Variants in ZDHHC14 observed in about 807,000 individuals in gnomAD.
ZDHHC14 encodes palmitoyltransferase ZDHHC14.
In ZDHHC14, 16 loss-of-function variants were observed where a neutral mutation model predicts 47.7. The ratio of observed to expected loss-of-function variants is 0.34; its 90% confidence interval spans 0.23 to 0.51. The LOEUF is 0.51. Among genes scored for constraint, ZDHHC14 ranks in the 20% least tolerant of loss-of-function variants. The pLI is 0.97. For missense variants in ZDHHC14, 515 were observed against 662.5 expected, an observed-to-expected ratio of 0.78 and a Z score of 2.44; for synonymous variants, 293 against 278.9, an observed-to-expected ratio of 1.05 and a Z score of -0.50.
chr6:157,555,210 G>T (rs978209026), intron 2 of ZDHHC14, among the ~76,000 whole-genome samples: 2 of 152,156 alleles, frequency 1.3e-5, no homozygotes. Flanking sequence ...AGATGATGAG[G>T]TTTTCGTATC....
chr6:157,414,560 T>A (rs1777936631), intron 1 of ZDHHC14, among the ~76,000 whole-genome samples: 1 of 152,204 alleles, frequency 6.6e-6, no homozygotes, highest in East Asian at 1.9e-4. Flanking sequence ...GACTATGAGA[T>A]GTTGACCATC....
At chr6:157,473,810 A>C (rs886655146) in intron 1 of ZDHHC14, among the ~76,000 whole-genome samples, 1 of 152,142 alleles carries the variant, frequency 6.6e-6, no homozygotes, top group Non-Finnish European at 1.5e-5. Context: ...TTCAGGCTAC[A>C]TGTGTAAGGT....
At chr6:157,488,987 ATG>A (rs1779847183) in intron 1 of ZDHHC14, among the ~76,000 whole-genome samples, 2 of 152,194 alleles carry the variant, frequency 1.3e-5, no homozygotes, top group Non-Finnish European at 2.9e-5. Context: ...TCTGTTTTTA[ATG>A]GATTTACAAG....
At chr6:157,431,797 G>A (rs1778344462) in intron 1 of ZDHHC14, among the ~76,000 whole-genome samples, 2 of 149,564 alleles carry the variant, frequency 1.3e-5, no homozygotes, top group Admixed American at 6.7e-5. Flanking sequence ...TGTCATGATC[G>A]TGGCTCACTG....
chr6:157,560,055 A>G (rs1269386972), intron 2 of ZDHHC14, among the ~76,000 whole-genome samples: 4 of 152,266 alleles, frequency 2.6e-5, no homozygotes, highest in Non-Finnish European at 2.9e-5. Flanking sequence ...CTATACGTCT[A>G]TGATGAATTA....
intron 2 of ZDHHC14, among the ~76,000 whole-genome samples, chr6:157,573,792 C>T (rs142760773): frequency 0.039 from 5,919 of 152,238 alleles, 148 homozygotes; most frequent in Non-Finnish European, 0.056. Flanking sequence ...AAGCGCAGCT[C>T]AGCCATGGTG....
chr6:157,501,893 C>T (rs991831100), intron 1 of ZDHHC14, among the ~76,000 whole-genome samples: 6 of 152,162 alleles, frequency 3.9e-5, no homozygotes, highest in African/African-American at 1.4e-4. Flanking sequence ...AAAAATATTT[C>T]AGCTTCTTCA....
At chr6:157,520,489 A>G (rs1211764327) in intron 1 of ZDHHC14, among the ~76,000 whole-genome samples, 4 of 152,368 alleles carry the variant, frequency 2.6e-5, no homozygotes, top group Non-Finnish European at 4.4e-5. Context: ...GCATACATCT[A>G]CAGCCACTGA....
At chr6:157,414,882 G>A (rs1236212075) in intron 1 of ZDHHC14, among the ~76,000 whole-genome samples, 2 of 81,006 alleles carry the variant, frequency 2.5e-5, no homozygotes, top group African/African-American at 4.9e-5. Context: ...TGTGAATTCT[G>A]TTCTTTCTCC....
At chr6:157,671,302 G>A (rs998091096) in intron 8 of ZDHHC14, among the ~76,000 whole-genome samples, 7 of 152,122 alleles carry the variant, frequency 4.6e-5, no homozygotes, top group Admixed American at 6.5e-5. Flanking sequence ...GGTCTTGATC[G>A]AGCTGTCCAA....
chr6:157,638,782 A>G (rs1291263248), intron 5 of ZDHHC14, among the ~76,000 whole-genome samples: 1 of 152,188 alleles, frequency 6.6e-6, no homozygotes, highest in Non-Finnish European at 1.5e-5. Context: ...GTGCCATGAA[A>G]AAGACACAGC....
intron 2 of ZDHHC14, among the ~76,000 whole-genome samples, chr6:157,552,609 G>A (rs1782279876): frequency 6.6e-6 from 1 of 152,184 alleles, no homozygotes; most frequent in Non-Finnish European, 1.5e-5. Context: ...GCAAGGAGGT[G>A]TGGCGGGACC....
chr6:157,592,108 C>G (rs17165443), intron 2 of ZDHHC14, among the ~76,000 whole-genome samples: 33,106 of 151,960 alleles, frequency 0.22, 3,765 homozygotes, highest in South Asian at 0.32. Context: ...GGTTCTCAAA[C>G]CTTGCCCACG....
chr6:157,448,964 G>T (rs1326918675), intron 1 of ZDHHC14, among the ~76,000 whole-genome samples: 1 of 152,196 alleles, frequency 6.6e-6, no homozygotes, highest in Non-Finnish European at 1.5e-5. Flanking sequence ...GGAAAATTTA[G>T]GCTCAGAGAG....
chr6:157,477,335 G>A (rs896705432), intron 1 of ZDHHC14, among the ~76,000 whole-genome samples: 5 of 152,178 alleles, frequency 3.3e-5, no homozygotes, highest in Non-Finnish European at 7.3e-5. Flanking sequence ...AGCCGAGACC[G>A]TGCCACTGCA....
chr6:157,541,603 C>T (rs1781767654), intron 1 of ZDHHC14, among the ~76,000 whole-genome samples: 2 of 152,198 alleles, frequency 1.3e-5, no homozygotes, highest in African/African-American at 2.4e-5. Context: ...CGTGATTCTG[C>T]GTCATGTTCC....
chr6:157,604,345 C>T (rs1288697698), intron 3 of ZDHHC14, among the ~76,000 whole-genome samples: 1 of 151,042 alleles, frequency 6.6e-6, no homozygotes, highest in East Asian at 1.9e-4. Flanking sequence ...GGAGGCTATG[C>T]ATAGGCTATA....
At chr6:157,608,833 GA>G (rs1027254136) in intron 3 of ZDHHC14, among the ~76,000 whole-genome samples, 7 of 152,214 alleles carry the variant, frequency 4.6e-5, no homozygotes, top group African/African-American at 1.4e-4. Context: ...AAGGAGACGA[GA>G]GGGGGGGCTG....
chr6:157,475,864 A>G (rs180922004), intron 1 of ZDHHC14, among the ~76,000 whole-genome samples: 49 of 152,306 alleles, frequency 3.2e-4, no homozygotes, highest in African/African-American at 1.2e-3. Context: ...GAGTGGGTCA[A>G]AAAGAAATTA....
Sources: gnomAD v4.1 joint callset for allele counts (sites outside exome capture counted in the v4.1 genomes callset) on GRCh38, gnomAD v4.1.1 for gene constraint, MANE v1.5 for transcripts, NCBI Gene and HGNC (gene_info 2026-07-23, HGNC 2026-07-21) for gene names.